The following SUPT3H variants were observed in gnomAD, a reference collection of about 807,000 sequenced individuals.
The protein encoded by SUPT3H is SPT3 homolog, SAGA and STAGA complex component.
Under a neutral mutation model 44.3 loss-of-function variants are expected in SUPT3H, and 44 were observed. The ratio of observed to expected loss-of-function variants is 0.99; its 90% CI spans 0.78 to 1.28. The LOEUF is 1.28. Ranked by LOEUF, SUPT3H falls within the 50% of genes most tolerant of loss-of-function variation. SUPT3H has a pLI of 0.00. For missense variants in SUPT3H, 380 were observed against 387.1 expected, an observed-to-expected ratio of 0.98 and a Z score of 0.15; for synonymous variants, 124 against 125.6, an observed-to-expected ratio of 0.99 and a Z score of 0.09.
At chr6:45,059,422 T>C (rs542912600) in intron 3 of SUPT3H, among the ~76,000 whole-genome samples, 109 of 152,238 alleles carry the variant, frequency 7.2e-4, no homozygotes, top group African/African-American at 2.5e-3. Context: ...AAACTAGGAA[T>C]TGAAGGAATA....
At chr6:45,158,267 TAA>T (rs1562572543) in intron 2 of SUPT3H, among the ~76,000 whole-genome samples, 6 of 113,978 alleles carry the variant, frequency 5.3e-5, no homozygotes, top group African/African-American at 2.2e-4. Context: ...TTTATATATA[TAA>T]ATATACATAT....
chr6:44,975,061 G>C (rs9381355), intron 6 of SUPT3H, among the ~76,000 whole-genome samples: 149,057 of 152,154 alleles, frequency 0.98, 73,024 homozygotes, highest in Middle Eastern at 1. Context: ...ATCCTAGCTA[G>C]TCGGGAGGTT....
chr6:44,963,420 G>A (rs1046678921), intron 6 of SUPT3H, among the ~76,000 whole-genome samples: 3 of 152,130 alleles, frequency 2.0e-5, no homozygotes, highest in Admixed American at 1.3e-4. Context: ...AACCTGGGAG[G>A]TGGAGGTTGC....
chr6:44,930,197 T>C (rs1391569812), intron 10 of SUPT3H, among the ~76,000 whole-genome samples: 3 of 151,910 alleles, frequency 2.0e-5, no homozygotes, highest in Admixed American at 2.0e-4. Context: ...GCTAACATGG[T>C]GAAACCCCGT....
At chr6:45,074,383 A>G (rs1794751293) in intron 3 of SUPT3H, among the ~76,000 whole-genome samples, 1 of 151,980 alleles carries the variant, frequency 6.6e-6, no homozygotes, top group South Asian at 2.1e-4. Context: ...AGTATTAATA[A>G]CCCAATAAAA....
At chr6:44,982,380 C>T (rs1469648371) in intron 6 of SUPT3H, among the ~76,000 whole-genome samples, 1 of 152,060 alleles carries the variant, frequency 6.6e-6, no homozygotes, top group Non-Finnish European at 1.5e-5. Context: ...CCCGCCACCA[C>T]GTCTGGCTAA....
At chr6:45,203,157 G>A (rs1762690881) in intron 2 of SUPT3H, among the ~76,000 whole-genome samples, 1 of 152,076 alleles carries the variant, frequency 6.6e-6, no homozygotes, top group African/African-American at 2.4e-5. Flanking sequence ...AGAATACAGG[G>A]CATGGAGTAA....
At chr6:44,911,716 A>G (rs1767080928) in intron 10 of SUPT3H, among the ~76,000 whole-genome samples, 1 of 152,188 alleles carries the variant, frequency 6.6e-6, no homozygotes, top group Non-Finnish European at 1.5e-5. Context: ...TGCACTTTAC[A>G]TCTAGGCCTA....
chr6:44,829,984 A>C (rs73735210), intron 10 of SUPT3H, 127 bp from the exon 11 acceptor site: 2 of 816,446 alleles, frequency 2.4e-6, no homozygotes, highest in Non-Finnish European at 4.0e-6. Flanking sequence ...TAGAATGCTT[A>C]ATCTGAATAT....
intron 9 of SUPT3H, among the ~76,000 whole-genome samples, chr6:44,949,333 T>C (rs574809284): frequency 6.6e-6 from 1 of 152,120 alleles, no homozygotes; most frequent in African/African-American, 2.4e-5. Context: ...GGCACATGTA[T>C]ACATATGTAA....
intron 10 of SUPT3H, among the ~76,000 whole-genome samples, chr6:44,883,708 A>C (rs1407035933): frequency 6.6e-6 from 1 of 152,126 alleles, no homozygotes; most frequent in Non-Finnish European, 1.5e-5. Context: ...CCTCAGAAAT[A>C]ACACACCACA....
At chr6:45,076,594 A>C (rs907150171) in intron 3 of SUPT3H, among the ~76,000 whole-genome samples, 1 of 152,182 alleles carries the variant, frequency 6.6e-6, no homozygotes, top group Non-Finnish European at 1.5e-5. Context: ...ACTCACACTC[A>C]AAAATGCTTT....
At chr6:45,374,987 A>C (rs1796580073) in intron 1 of SUPT3H, among the ~76,000 whole-genome samples, 1 of 152,172 alleles carries the variant, frequency 6.6e-6, no homozygotes, top group Non-Finnish European at 1.5e-5. Flanking sequence ...CGGGTGGAGC[A>C]CTTGAGATCA....
chr6:44,975,433 A>G (rs1434821476), intron 6 of SUPT3H, among the ~76,000 whole-genome samples: 1 of 152,230 alleles, frequency 6.6e-6, no homozygotes, highest in African/African-American at 2.4e-5. Flanking sequence ...ATCTGCAGCA[A>G]GCTGGATGGA....
chr6:45,189,670 G>A (rs905249003), intron 2 of SUPT3H, among the ~76,000 whole-genome samples: 3 of 152,158 alleles, frequency 2.0e-5, no homozygotes, highest in Non-Finnish European at 2.9e-5. Flanking sequence ...AAAAATCAAA[G>A]AGGAAGTCCT....
intron 9 of SUPT3H, among the ~76,000 whole-genome samples, chr6:44,936,854 A>G (rs1771517276): frequency 6.6e-6 from 1 of 152,034 alleles, no homozygotes; most frequent in Non-Finnish European, 1.5e-5. Context: ...GTTAGTAGAG[A>G]CAGGGTTTTG....
intron 2 of SUPT3H, among the ~76,000 whole-genome samples, chr6:45,139,312 T>C (rs963954028): frequency 1.3e-5 from 2 of 152,228 alleles, no homozygotes; most frequent in Non-Finnish European, 2.9e-5. Context: ...CTAAAAATTC[T>C]GGTGACGCAT....
At chr6:44,900,959 G>C (rs1394480613) in intron 10 of SUPT3H, among the ~76,000 whole-genome samples, 1 of 152,160 alleles carries the variant, frequency 6.6e-6, no homozygotes, top group Non-Finnish European at 1.5e-5. Context: ...GCAGATGAGG[G>C]TCCTGACTGT....
intron 2 of SUPT3H, among the ~76,000 whole-genome samples, chr6:45,354,768 G>A (rs1454228693): frequency 6.6e-6 from 1 of 152,112 alleles, no homozygotes; most frequent in Admixed American, 6.6e-5. Context: ...GGGAGGCTGA[G>A]GCAGGAGGAT....
Sources: allele counts gnomAD v4.1 joint callset (sites outside exome capture counted in the v4.1 genomes callset), GRCh38; gene constraint gnomAD v4.1.1; transcripts MANE v1.5; gene names NCBI Gene and HGNC (gene_info 2026-07-23, HGNC 2026-07-21).